SMCHD1: variants seen among roughly 807,000 people sequenced by gnomAD.
SMCHD1 encodes the protein structural maintenance of chromosomes flexible hinge domain containing 1.
In SMCHD1, 78 loss-of-function variants were observed where a neutral mutation model predicts 254.7. The observed-to-expected ratio is 0.31, with a 90% confidence interval of 0.26 to 0.37. The LOEUF (loss-of-function observed/expected upper bound fraction) is 0.37. SMCHD1 is among the 10% of genes least tolerant of loss of function. The probability of loss-of-function intolerance (pLI) is 1.00; values close to 1 mark genes in which losing one functional copy is unlikely to be tolerated. For missense variants in SMCHD1, 1,840 were observed against 2,408.1 expected (o/e 0.76, Z 4.94); for synonymous variants, 766 against 794.9 (o/e 0.96, Z 0.61).
intron 10 of SMCHD1, among the ~76,000 whole-genome samples, chr18:2,698,489 CTG>C (rs2074331656): frequency 6.6e-6 from 1 of 151,972 alleles, no homozygotes; most frequent in African/African-American, 2.4e-5. Flanking sequence ...GTCAATGCAT[CTG>C]TGTTTTTCTT....
intron 44 of SMCHD1, among the ~76,000 whole-genome samples, chr18:2,782,423 T>C (rs1423368911): frequency 6.6e-6 from 1 of 152,164 alleles, no homozygotes; most frequent in Non-Finnish European, 1.5e-5. Flanking sequence ...ATAGAAAATC[T>C]ATACATTTTA....
At chr18:2,673,419 A>T (rs957166485) in intron 4 of SMCHD1, 56 bp downstream of exon 4, 2 of 1,179,238 alleles carry the variant, frequency 1.7e-6, no homozygotes, top group Non-Finnish European at 2.3e-6. Context: ...GAGTAATAAA[A>T]GTTTATTGGA....
intron 42 of SMCHD1, among the ~76,000 whole-genome samples, chr18:2,777,068 C>CA (rs375039370): frequency 1.3e-5 from 2 of 148,282 alleles, no homozygotes; most frequent in African/African-American, 2.5e-5. Context: ...CACCTCCCCC[C>CA]CCCATACCCT....
chr18:2,672,590 T>C (rs1190722888), intron 3 of SMCHD1, among the ~76,000 whole-genome samples: 1 of 152,216 alleles, frequency 6.6e-6, no homozygotes, highest in African/African-American at 2.4e-5. Context: ...TTAAGATACG[T>C]AAATTTGATA....
intron 5 of SMCHD1, among the ~76,000 whole-genome samples, chr18:2,685,840 T>C (rs149003875): frequency 7.9e-5 from 12 of 152,374 alleles, no homozygotes; most frequent in African/African-American, 2.9e-4. Flanking sequence ...TGTACAACCA[T>C]ACTGCGTTTT....
At chr18:2,755,136 C>G (rs2075649163) in intron 34 of SMCHD1, among the ~76,000 whole-genome samples, 1 of 152,002 alleles carries the variant, frequency 6.6e-6, no homozygotes, top group South Asian at 2.1e-4. Context: ...CTCACTGTAG[C>G]CTTGACCTCC....
chr18:2,780,351 G>T (rs1182615874), intron 44 of SMCHD1, among the ~76,000 whole-genome samples: 1 of 151,562 alleles, frequency 6.6e-6, no homozygotes, highest in African/African-American at 2.4e-5. Flanking sequence ...ATGGTATTTG[G>T]CATCTTCATG....
intron 5 of SMCHD1, among the ~76,000 whole-genome samples, chr18:2,679,631 C>T (rs1031918349): frequency 2.6e-5 from 4 of 152,008 alleles, no homozygotes; most frequent in African/African-American, 9.7e-5. Flanking sequence ...TAACAAATTG[C>T]TTCTCTCACT....
At chr18:2,695,801 C>T (rs958016752) in intron 8 of SMCHD1, among the ~76,000 whole-genome samples, 8 of 152,050 alleles carry the variant, frequency 5.3e-5, no homozygotes, top group South Asian at 2.1e-4. Context: ...CGTAATTATA[C>T]GCTAAGAGAA....
chr18:2,722,297 G>A (rs565270057), intron 19 of SMCHD1, among the ~76,000 whole-genome samples: 25 of 152,098 alleles, frequency 1.6e-4, no homozygotes, highest in Non-Finnish European at 3.7e-4. Flanking sequence ...AATTAGCCAG[G>A]TGTGGTGGTA....
intron 39 of SMCHD1, among the ~76,000 whole-genome samples, chr18:2,770,913 C>T (rs562828094): frequency 6.6e-6 from 1 of 152,184 alleles, no homozygotes; most frequent in Admixed American, 6.5e-5. Context: ...TTAGCCACCA[C>T]ACCCAGCCTA....
Position 2,694,631 on chromosome 18 carries a change from G to A in SMCHD1, c.978G>A (p.Gly326=). ...GCTTTACTGCTGTGGTTATCACAGG[G>A]GTACAACCAGAACACATACAGTACT... The part of the protein sequence containing the change: ...KDSFTAVVIT[G]VQPEHIQYLK... The change falls in exon 8 of 48, where the codon GGG becomes GGA. Residue 326 remains glycine (G), a synonymous_variant. Coordinates refer to ENST00000320876, the MANE Select transcript of SMCHD1 (RefSeq NM_015295.3). The A allele has an allele frequency of 6.2e-7, 1 of 1,613,060 alleles. No individual in the cohort carries two copies. The highest frequency in any genetic ancestry group is 8.5e-7 in the Non-Finnish European group (1 of 1,179,188).
chr18:2,693,539 C>T (rs184828349), intron 7 of SMCHD1, among the ~76,000 whole-genome samples: 39 of 152,320 alleles, frequency 2.6e-4, no homozygotes, highest in African/African-American at 8.9e-4. Flanking sequence ...GGGACCACTG[C>T]AGTCAATTGT....
intron 30 of SMCHD1, among the ~76,000 whole-genome samples, chr18:2,749,484 C>T (rs1352687938): frequency 6.6e-6 from 1 of 152,112 alleles, no homozygotes; most frequent in Non-Finnish European, 1.5e-5. Flanking sequence ...GCTGAGAGAC[C>T]CTTCTAGACC....
At position 2,763,687 on chromosome 18, in the gene SMCHD1, C is replaced by A; in HGVS notation, c.4617C>A (p.Ala1539=). The A allele has an allele frequency of 6.2e-7, 1 of 1,603,794 alleles. No individual in the cohort carries two copies. Among genetic ancestry groups the A allele is most frequent in the Non-Finnish European group, 8.5e-7 (1 of 1,175,708 alleles). Residue 1539 remains alanine (A), a synonymous_variant, in exon 37 of 48, where the codon GCC becomes GCA. Coordinates refer to ENST00000320876, the MANE Select transcript of SMCHD1 (RefSeq NM_015295.3). The part of the protein sequence containing the change: ...TGIDLVGTII[A]TIKGSNEEDT... ...TTGATTTGGTTGGCACTATAATAGC[C>A]ACCATTAAAGGCTCTAATGAGGAAG...
intron 7 of SMCHD1, among the ~76,000 whole-genome samples, chr18:2,693,296 C>A (rs1246377419): frequency 1.3e-5 from 2 of 152,136 alleles, no homozygotes; most frequent in African/African-American, 4.8e-5. Context: ...GGGATGCATT[C>A]TGAGAAATGT....
At chr18:2,747,299 CTG>C (rs549751425) in intron 29 of SMCHD1, among the ~76,000 whole-genome samples, 1 of 152,270 alleles carries the variant, frequency 6.6e-6, no homozygotes, top group East Asian at 1.9e-4. Context: ...TGAGGGAAGA[CTG>C]TAATGTCAGG....
At chr18:2,785,438 G>A (rs2076223280) in intron 45 of SMCHD1, among the ~76,000 whole-genome samples, 1 of 152,034 alleles carries the variant, frequency 6.6e-6, no homozygotes. Context: ...CATGAGGTCA[G>A]GAGATCGAGC....
intron 19 of SMCHD1, among the ~76,000 whole-genome samples, chr18:2,721,722 A>G (rs2074931962): frequency 1.3e-5 from 2 of 152,320 alleles, no homozygotes; most frequent in Non-Finnish European, 2.9e-5. Context: ...TTCATTTAGC[A>G]TAGTTGGTGG....
Sources: gnomAD v4.1 joint callset for allele counts (sites outside exome capture counted in the v4.1 genomes callset) on GRCh38, gnomAD v4.1.1 for gene constraint, MANE v1.5 for transcripts, NCBI Gene and HGNC (gene_info 2026-07-23, HGNC 2026-07-21) for gene names.